OR9Q1: variants seen among roughly 807,000 people sequenced by gnomAD.
The protein encoded by OR9Q1 is olfactory receptor 9Q1.
For synonymous variants in OR9Q1, 153 were observed against 148.6 expected (o/e 1.03, Z -0.22); for missense variants, 374 against 378.8 (o/e 0.99, Z 0.11).
At chr11:58,173,943 T>G (rs1455968000) in intron 2 of OR9Q1, among the ~76,000 whole-genome samples, 5 of 152,190 alleles carry the variant, frequency 3.3e-5, no homozygotes. Flanking sequence ...GATCCTAGAC[T>G]TTGATCTTGA....
At chr11:58,044,771 CAA>C (rs10555172) in intron 1 of OR9Q1, 74,192 of 151,824 alleles carry the variant, frequency 0.49, 18,423 homozygotes, top group Middle Eastern at 0.59. Flanking sequence ...GGTGGGAAAA[CAA>C]GACATCTTGA....
At chr11:58,119,595 C>T in intron 2 of OR9Q1, 2 of 590,756 alleles carry the variant, frequency 3.4e-6, no homozygotes, top group South Asian at 4.8e-5. Context: ...CTGAAACTGG[C>T]TGATTTTCCT....
chr11:58,159,781 A>T (rs1252225492), intron 2 of OR9Q1, among the ~76,000 whole-genome samples: 1 of 152,240 alleles, frequency 6.6e-6, no homozygotes, highest in Non-Finnish European at 1.5e-5. Flanking sequence ...CTGGAGATAG[A>T]TTTGAAAGGA....
At chr11:58,155,535 C>G (rs969854455) in intron 2 of OR9Q1, among the ~76,000 whole-genome samples, 1 of 152,164 alleles carries the variant, frequency 6.6e-6, no homozygotes, top group Non-Finnish European at 1.5e-5. Flanking sequence ...TTGTGCTTAC[C>G]TTGCCTCACC....
intron 1 of OR9Q1, among the ~76,000 whole-genome samples, chr11:58,042,417 G>T (rs1853174542): frequency 6.6e-6 from 1 of 151,902 alleles, no homozygotes; most frequent in South Asian, 2.1e-4. Context: ...TTTCCCCATT[G>T]CTTGTTTTTC....
chr11:58,039,447 C>T (rs896446923), intron 1 of OR9Q1, among the ~76,000 whole-genome samples: 1 of 152,202 alleles, frequency 6.6e-6, no homozygotes, highest in Admixed American at 6.5e-5. Flanking sequence ...TGCCTTGATA[C>T]GTTGAGATAT....
chr11:58,091,230 G>A (rs1853681423), intron 2 of OR9Q1, among the ~76,000 whole-genome samples: 2 of 152,044 alleles, frequency 1.3e-5, no homozygotes, highest in Non-Finnish European at 2.9e-5. Context: ...TTTTAATCGT[G>A]ATGTTAGGCT....
intron 2 of OR9Q1, among the ~76,000 whole-genome samples, chr11:58,154,394 T>TG (rs1854385924): frequency 6.6e-6 from 1 of 150,584 alleles, no homozygotes; most frequent in Non-Finnish European, 1.5e-5. Context: ...TTTTTTTTTT[T>TG]TGTCCTGTGA....
At chr11:58,031,913 A>T (rs761902296) in intron 1 of OR9Q1, 1 of 1,546,326 alleles carries the variant, frequency 6.5e-7, no homozygotes, top group South Asian at 1.1e-5. Flanking sequence ...GTGAGGAGGC[A>T]GGTGGGAACC....
At chr11:58,033,656 A>C (rs758048780) in intron 1 of OR9Q1, among the ~76,000 whole-genome samples, 4 of 152,166 alleles carry the variant, frequency 2.6e-5, no homozygotes, top group African/African-American at 4.8e-5. Context: ...GTTGGGTACT[A>C]TGTTCCCATC....
intron 1 of OR9Q1, among the ~76,000 whole-genome samples, chr11:58,045,805 C>T (rs1853210666): frequency 6.6e-6 from 1 of 152,222 alleles, no homozygotes; most frequent in Non-Finnish European, 1.5e-5. Context: ...TAAGCCTCAG[C>T]ACCACTCTAG....
At chr11:58,170,431 G>T (rs190745496) in intron 2 of OR9Q1, among the ~76,000 whole-genome samples, 264 of 152,176 alleles carry the variant, frequency 1.7e-3, no homozygotes, top group African/African-American at 6.2e-3. Flanking sequence ...ATTATATTAA[G>T]ATTCATTTTC....
In OR9Q1 at chr11:58,180,884, G is replaced by A. The variant is rs547208911; in HGVS notation, c.*507G>A. The A allele has an allele frequency of 1.3e-4, 22 of 167,314 alleles. No homozygotes were observed. The East Asian group carries it at 3.7e-3, about 28-fold the overall frequency. The allele number at this position is 167,314 out of a possible 1,614,324, so 10.4% of individuals were successfully genotyped here. ...TTTGATTCATTTCAAGGTGAGTTCCGGACATCAGCATTAGTACCCTTTACT... is the reference window on the plus strand; with the variant it reads ...TTTGATTCATTTCAAGGTGAGTTCCAGACATCAGCATTAGTACCCTTTACT... On this transcript the variant is annotated 3_prime_UTR_variant, in exon 3 of 3. Coordinates refer to ENST00000335397, the MANE Select transcript of OR9Q1 (RefSeq NM_001005212.4).
At chr11:58,143,511 A>G (rs1004063360) in intron 2 of OR9Q1, among the ~76,000 whole-genome samples, 5 of 152,236 alleles carry the variant, frequency 3.3e-5, no homozygotes, top group African/African-American at 1.2e-4. Flanking sequence ...TTGCCTATTT[A>G]CCAATTGTGA....
rs117935769 is a variant in OR9Q1 at position 58,066,378 on chromosome 11, G to T, written c.-15+10431G>T. Among the ~76,000 whole-genome samples the T allele has an allele frequency of 7.0e-4, 107 of 152,228 alleles. 1 individual carries two copies. In the East Asian group the frequency reaches 0.018, roughly 26 times the overall value. On this transcript the variant is annotated intron_variant, in intron 2 of 2. Coordinates refer to ENST00000335397, the MANE Select transcript of OR9Q1 (RefSeq NM_001005212.4). Reference sequence around the variant, plus strand: ...GACCGCAGGATAGGACATGTGGATTGTCCTTCTCTGTGGGCCTTTGGCTGG... The same window carrying T: ...GACCGCAGGATAGGACATGTGGATTTTCCTTCTCTGTGGGCCTTTGGCTGG...
At chr11:58,093,565 A>G (rs1180742611) in intron 2 of OR9Q1, among the ~76,000 whole-genome samples, 1 of 151,920 alleles carries the variant, frequency 6.6e-6, no homozygotes, top group Non-Finnish European at 1.5e-5. Context: ...TTGAGACCGT[A>G]CTGGCTAACA....
At chr11:58,094,582 C>T (rs1471177739) in intron 2 of OR9Q1, among the ~76,000 whole-genome samples, 4 of 152,048 alleles carry the variant, frequency 2.6e-5, no homozygotes, top group Non-Finnish European at 5.9e-5. Context: ...GAATTGAATG[C>T]AAAAATCAAA....
At chr11:58,096,703 CTTT>C (rs371701829) in intron 2 of OR9Q1, among the ~76,000 whole-genome samples, 24 of 108,778 alleles carry the variant, frequency 2.2e-4, no homozygotes, top group Non-Finnish European at 3.2e-4. Context: ...GAGACAGTCT[CTTT>C]TTTTTTTTTT....
Position 58,030,967 on chromosome 11 carries a change from C to A in OR9Q1, c.-93+6863C>A, listed in dbSNP as rs191701806. Reference sequence around the variant, plus strand: ...CACTGCCACATATGCAACCATATACCAAAAACTGGACCCAGGTAACTGAAT... The same window carrying A: ...CACTGCCACATATGCAACCATATACAAAAAACTGGACCCAGGTAACTGAAT... On this transcript the variant is annotated intron_variant, in intron 1 of 2. Coordinates refer to ENST00000335397, the MANE Select transcript of OR9Q1 (RefSeq NM_001005212.4). The A allele has an allele frequency of 9.7e-5, 156 of 1,613,122 alleles. No individual in the cohort carries two copies. In the East Asian group the frequency reaches 3.1e-3, roughly 32 times the overall value.
Sources: allele counts gnomAD v4.1 joint callset (sites outside exome capture counted in the v4.1 genomes callset), GRCh38; gene constraint gnomAD v4.1.1; transcripts MANE v1.5; gene names NCBI Gene and HGNC (gene_info 2026-07-23, HGNC 2026-07-21).